ACO1: variants seen among roughly 807,000 people sequenced by gnomAD.
ACO1 encodes the protein aconitase 1.
Under a neutral mutation model 105.1 loss-of-function variants are expected in ACO1, and 78 were observed. The ratio of observed to expected loss-of-function variants is 0.74; its 90% CI spans 0.62 to 0.90. ACO1 has a LOEUF of 0.90. Ranked by LOEUF, ACO1 falls within the 40% of genes least tolerant of loss-of-function variation. The probability of loss-of-function intolerance (pLI) is 0.00; values close to 1 mark genes in which losing one functional copy is unlikely to be tolerated. For missense variants in ACO1, 965 were observed against 1,111.1 expected, an observed-to-expected ratio of 0.87 and a Z score of 1.87; for synonymous variants, 364 against 397.4, an observed-to-expected ratio of 0.92 and a Z score of 1.00.
rs1345910378 is a variant in ACO1 at position 32,420,915 on chromosome 9, C to G, written c.858C>G (p.Ala286=). The change falls in exon 8 of 21, where the codon GCC becomes GCG. Residue 286 remains alanine (A), a synonymous_variant. Transcript: ENST00000309951. ...KFVEFFGPGV[A]QLSIADRATI... ...TCGAGTTCTTCGGGCCTGGAGTAGC[C>G]CAGTTGTCCATTGCTGACCGAGCTA... is the stretch of plus-strand genomic sequence containing the variant. The G allele has an allele frequency of 1.2e-6, 2 of 1,613,924 alleles. No homozygotes were observed. The highest frequency in any genetic ancestry group is 4.5e-5 in the East Asian group (2 of 44,884).
chr9:32,436,319 A>G lies in ACO1; in HGVS notation c.2169A>G (p.Thr723=). 2 of 1,614,162 alleles carry G rather than the reference A, an allele frequency of 1.2e-6. No individual in the cohort carries two copies. The highest frequency in any genetic ancestry group is 1.3e-5 in the African/African-American group (1 of 75,052). ...RGNDAVMARG[T]FANIRLLNRF... ...ATGACGCCGTCATGGCACGGGGAAC[A>G]TTTGCCAACATTCGCTTGTTAAACA... Residue 723 remains threonine, a synonymous_variant, in exon 18 of 21, where the codon ACA becomes ACG. Transcript: ENST00000309951.
chr9:32,400,766 A>T (rs7847310), intron 1 of ACO1, among the ~76,000 whole-genome samples: 22,516 of 152,270 alleles, frequency 0.15, 2,091 homozygotes, highest in South Asian at 0.29. Flanking sequence ...AAATGAATGC[A>T]TGCTTATCAA....
At chr9:32,436,195 A>C in intron 17 of ACO1, 55 bp from the exon 18 acceptor site, 1 of 1,609,526 alleles carries the variant, frequency 6.2e-7, no homozygotes. Flanking sequence ...GTGTAAGCTA[A>C]GGTTAATCTT....
chr9:32,396,310 GC>G (rs1821371313), intron 1 of ACO1, among the ~76,000 whole-genome samples: 1 of 152,128 alleles, frequency 6.6e-6, no homozygotes, highest in Non-Finnish European at 1.5e-5. Context: ...CCCTACTGTG[GC>G]CACTTTATCA....
In ACO1 at chr9:32,436,259, AC is replaced by A. The variant is rs770496458; in HGVS notation, c.2110del (p.Arg704GlufsTer27). Reference sequence around the variant, plus strand: ...TTGCTTGCCTTCTTAGCCTAACTCCACGAGAATTCAACTCCTATGGCTCCCG... The same window carrying A: ...TTGCTTGCCTTCTTAGCCTAACTCCAGAGAATTCAACTCCTATGGCTCCCG... ...RYLTNRGLTP[R>X]EFNSYGSRRG... On this transcript the variant is annotated frameshift_variant, in exon 18 of 21. Coordinates refer to ENST00000309951, the MANE Select transcript of ACO1 (RefSeq NM_002197.3). LOFTEE classifies it high-confidence loss of function. The A allele has an allele frequency of 6.2e-7, 1 of 1,614,068 alleles. No individual in the cohort carries two copies. The highest frequency in any genetic ancestry group is 8.5e-7 in the Non-Finnish European group (1 of 1,179,940).
At chr9:32,426,081 G>A (rs1018507649) in intron 11 of ACO1, 84 bp downstream of exon 11, 40 of 1,407,556 alleles carry the variant, frequency 2.8e-5, no homozygotes, top group Middle Eastern at 1.8e-4. Flanking sequence ...CCTTGGCGGA[G>A]TTGTACATGT....
chr9:32,407,523 A>T (rs1413121223), intron 3 of ACO1, 94 bp downstream of exon 3: 1 of 1,156,280 alleles, frequency 8.6e-7, no homozygotes, highest in Non-Finnish European at 1.2e-6. Context: ...TGCAATGACT[A>T]TATACTTTAT....
chr9:32,416,593 G>C (rs1379398506), intron 4 of ACO1, among the ~76,000 whole-genome samples: 1 of 152,122 alleles, frequency 6.6e-6, no homozygotes, highest in Non-Finnish European at 1.5e-5. Context: ...CCCGTACCAG[G>C]CAGTGATGAT....
At chr9:32,400,933 C>G (rs1029932731) in intron 1 of ACO1, among the ~76,000 whole-genome samples, 1 of 128,576 alleles carries the variant, frequency 7.8e-6, no homozygotes, top group African/African-American at 2.9e-5. Flanking sequence ...TGAATATACA[C>G]TAATGGTCTT....
At chr9:32,449,854 G>A in intron 20 of ACO1, 144 bp from the exon 21 acceptor site, 1 of 643,992 alleles carries the variant, frequency 1.6e-6, no homozygotes, top group Non-Finnish European at 2.8e-6. Flanking sequence ...TCTGGGCTGG[G>A]GCCAGCAGCC....
At chr9:32,443,617 C>T (rs1822529826) in intron 19 of ACO1, among the ~76,000 whole-genome samples, 1 of 152,024 alleles carries the variant, frequency 6.6e-6, no homozygotes, top group African/African-American at 2.4e-5. Flanking sequence ...AGAGTATTTC[C>T]AGATGTGCAT....
At chr9:32,436,921 C>T (rs1418919414) in intron 18 of ACO1, among the ~76,000 whole-genome samples, 1 of 152,066 alleles carries the variant, frequency 6.6e-6, no homozygotes, top group Non-Finnish European at 1.5e-5. Flanking sequence ...GCTTTTCTCA[C>T]CTGTGAAGTA....
chr9:32,416,468 C>G (rs924946398), intron 4 of ACO1, among the ~76,000 whole-genome samples: 1 of 152,124 alleles, frequency 6.6e-6, no homozygotes, highest in Non-Finnish European at 1.5e-5. Context: ...GCCCATCTTG[C>G]TCGGGCTGAC....
intron 14 of ACO1, among the ~76,000 whole-genome samples, chr9:32,430,778 G>T (rs191472588): frequency 6.6e-6 from 1 of 152,276 alleles, no homozygotes; most frequent in African/African-American, 2.4e-5. Context: ...AAAGGATAAC[G>T]AAAGGAAAAC....
intron 1 of ACO1, among the ~76,000 whole-genome samples, chr9:32,398,436 C>T (rs372247047): frequency 7.9e-5 from 12 of 152,130 alleles, no homozygotes; most frequent in African/African-American, 2.9e-4. Flanking sequence ...TATGGGCTGA[C>T]GTGGTTTTCT....
In ACO1 at chr9:32,434,740, T is replaced by C. The variant is rs759852472; in HGVS notation, c.2099+39T>C. ...AGGCAGGAAGGACTAAAGGCAAAAA[T>C]GGAGGAATGGAGTTAATGAGGCCAG... is the stretch of plus-strand genomic sequence containing the variant. On this transcript the variant is annotated intron_variant, in intron 17 of 20. Transcript: ENST00000309951. 69 of 1,608,340 alleles carry C rather than the reference T, an allele frequency of 4.3e-5. No individual in the cohort carries two copies. The South Asian group carries it at 7.4e-4, about 17-fold the overall frequency.
At chr9:32,390,441 A>G (rs894001250) in intron 1 of ACO1, among the ~76,000 whole-genome samples, 7 of 152,190 alleles carry the variant, frequency 4.6e-5, no homozygotes, top group Admixed American at 2.6e-4. Flanking sequence ...CTTTTCTTAT[A>G]ACCCTCATCC....
At chr9:32,394,047 C>A (rs1587510597) in intron 1 of ACO1, among the ~76,000 whole-genome samples, 1 of 152,328 alleles carries the variant, frequency 6.6e-6, no homozygotes, top group South Asian at 2.1e-4. Context: ...GCAACCTGGA[C>A]CTTGCTCCAT....
At chr9:32,390,465 T>C (rs1302828732) in intron 1 of ACO1, among the ~76,000 whole-genome samples, 2 of 152,238 alleles carry the variant, frequency 1.3e-5, no homozygotes, top group Non-Finnish European at 2.9e-5. Context: ...TGTATTTGTG[T>C]GCTTATCTTA....
Sources: gnomAD v4.1 joint callset for allele counts (sites outside exome capture counted in the v4.1 genomes callset) on GRCh38, gnomAD v4.1.1 for gene constraint, MANE v1.5 for transcripts, NCBI Gene and HGNC (gene_info 2026-07-23, HGNC 2026-07-21) for gene names.